The following DDX49 variants were observed in gnomAD, a reference collection of about 807,000 sequenced individuals.
DDX49 encodes the protein probable ATP-dependent RNA helicase DDX49.
In DDX49, 50 loss-of-function variants were observed where a neutral mutation model predicts 56.3. The observed-to-expected ratio is 0.89, with a 90% CI of 0.71 to 1.12. The LOEUF is 1.12. Among genes scored for constraint, DDX49 ranks in the 50% most tolerant of loss-of-function variants. The pLI is 0.00. For missense variants in DDX49, 614 were observed against 650.5 expected (o/e 0.94, Z 0.61); for synonymous variants, 269 against 270.6 (o/e 0.99, Z 0.06).
intron 4 of DDX49, 133 bp downstream of exon 4, chr19:18,922,097 A>G (rs1272305072): frequency 2.3e-6 from 3 of 1,328,640 alleles, no homozygotes; most frequent in Non-Finnish European, 3.0e-6. Flanking sequence ...AACGCTAGGA[A>G]CAGTGACAAG....
rs140875596 is a variant in DDX49, at chr19:18,924,716, C to A, written c.929+17C>A. ...GGCCTCCCGGTGAGCAGCCCCCAGT[C>A]TCCTGCCAAGGGCACTCCCTCTTTT... On this transcript the variant is annotated intron_variant, in intron 8 of 12. Coordinates refer to ENST00000247003, the MANE Select transcript of DDX49 (RefSeq NM_019070.5). 3.2e-4 allele frequency: 514 copies of A among 1,614,178 alleles called. No homozygotes were observed. The African/African-American group carries it at 5.8e-3, about 18-fold the overall frequency.
At chr19:18,925,416 G>A (rs142640334) in intron 9 of DDX49, among the ~76,000 whole-genome samples, 306 of 150,848 alleles carry the variant, frequency 2.0e-3, no homozygotes, top group African/African-American at 6.7e-3. Flanking sequence ...TTAGCCAGGC[G>A]TGGTGGAGGG....
Position 18,924,286 on chromosome 19 carries a change from C to T in DDX49, c.830C>T (p.Ala277Val). The stretch of plus-strand genomic sequence containing the variant: ...CGCAAATTCAGCTTCCCCACCGTGG[C>T]TCTGCACTCCATGATGAAGCAGGTG... ...MLRKFSFPTV[A>V]LHSMMKQKER... Residue 277 changes from alanine to valine, a missense_variant, in exon 7 of 13, where the codon GCT (alanine) becomes GTT (valine). Coordinates refer to ENST00000247003, the MANE Select transcript of DDX49 (RefSeq NM_019070.5). 1 of 1,613,896 alleles carries T rather than the reference C, an allele frequency of 6.2e-7. No homozygotes were observed. The highest frequency in any genetic ancestry group is 8.5e-7 in the Non-Finnish European group (1 of 1,180,020).
chr19:18,923,816 T>C (rs1384738136), intron 6 of DDX49, among the ~76,000 whole-genome samples: 1 of 150,060 alleles, frequency 6.7e-6, no homozygotes, highest in Non-Finnish European at 1.5e-5. Flanking sequence ...CCTCTTTTTT[T>C]TTTTTTTTTT....
At chr19:18,925,050 A>T (rs1377848992) in intron 9 of DDX49, 71 bp downstream of exon 9, 2 of 1,551,962 alleles carry the variant, frequency 1.3e-6, no homozygotes, top group African/African-American at 2.7e-5. Context: ...TTCAGGTGGT[A>T]GGACGTGGGT....
chr19:18,926,415 T>TGGGGG, intron 10 of DDX49, 38 bp downstream of exon 10: 1 of 132,542 alleles, frequency 7.5e-6, no homozygotes, highest in Middle Eastern at 1.9e-3. Flanking sequence ...GAAGGAGGGG[T>TGGGGG]GGGGTGGGCA....
rs748962784 is a variant in DDX49, at chr19:18,921,715, G to C, written c.292G>C (p.Gly98Arg). Residue 98 changes from glycine to arginine, a missense_variant, in exon 3 of 13, where the codon GGG becomes CGG. Gly to Arg is a moderately radical substitution (Grantham distance 125). Transcript: ENST00000247003. ...GTTCCGGGTCCTGGGGAAGCCTCTA[G>C]GGCTGAAAGACTGCATCATCGTCGG... Reference protein sequence around the residue: ...EQFRVLGKPLGLKDCIIVGGM... With the variant: ...EQFRVLGKPLRLKDCIIVGGM... The C allele has an allele frequency of 6.2e-7, 1 of 1,614,040 alleles. No homozygotes were observed. Among genetic ancestry groups the C allele is most frequent in the African/African-American group, 1.3e-5 (1 of 74,918 alleles).
chr19:18,920,613 G>A lies in DDX49; in HGVS notation c.149G>A (p.Ser50Asn). 6.2e-7 allele frequency: 1 copy of A among 1,610,924 alleles called. No individual in the cohort carries two copies. Among genetic ancestry groups the A allele is most frequent in the East Asian group, 2.2e-5 (1 of 44,728 alleles). The change falls in exon 2 of 13, where the codon AGT (serine) becomes AAT (asparagine). Residue 50 changes from serine to asparagine, a missense_variant. Physicochemically the swap from Ser to Asn is conservative, Grantham distance 46. Coordinates refer to ENST00000247003, the MANE Select transcript of DDX49 (RefSeq NM_019070.5). ...TGCTTGGGCTGTGCTAAGACAGGCA[G>A]TGGGAAGACAGCAGCGTTTGTCCTT... ...RDCLGCAKTG[S>N]GKTAAFVLPI...
At chr19:18,926,173 A>T in intron 9 of DDX49, 130 bp from the exon 10 acceptor site, 1 of 949,174 alleles carries the variant, frequency 1.1e-6, no homozygotes, top group South Asian at 1.6e-5. Context: ...CTCTGGGCTG[A>T]TCCCTCCCAA....
Position 18,928,403 on chromosome 19 carries a change from G to A in DDX49, c.*87G>A, listed in dbSNP as rs1057352814. On this transcript the variant is annotated 3_prime_UTR_variant, in exon 13 of 13. Coordinates refer to ENST00000247003, the MANE Select transcript of DDX49 (RefSeq NM_019070.5). Reference sequence around the variant, plus strand: ...TTCCTTGGGGGCAGCAGCCCTTCCCGGGGGCCTACCCAGTGCCCCACAGCA... The same window carrying A: ...TTCCTTGGGGGCAGCAGCCCTTCCCAGGGGCCTACCCAGTGCCCCACAGCA... 3.6e-5 allele frequency: 48 copies of A among 1,341,622 alleles called. 2 individuals are homozygous for A. Among genetic ancestry groups the A allele is most frequent in the Middle Eastern group, 2.7e-4 (1 of 3,698 alleles). The allele number at this position is 1,341,622 out of a possible 1,614,324, so 83.1% of individuals were successfully genotyped here.
chr19:18,923,535 A>G (rs2056936116), intron 6 of DDX49, among the ~76,000 whole-genome samples: 1 of 152,114 alleles, frequency 6.6e-6, no homozygotes, highest in African/African-American at 2.4e-5. Context: ...AAAAGAGAGA[A>G]AAGTTTGGCT....
intron 7 of DDX49, 117 bp downstream of exon 7, chr19:18,924,425 TC>T: frequency 8.7e-7 from 1 of 1,144,344 alleles, no homozygotes; most frequent in Non-Finnish European, 1.3e-6. Context: ...TCTCTTCTGG[TC>T]CCAGAATATC....
At chr19:18,921,281 A>C (rs940684185) in intron 2 of DDX49, among the ~76,000 whole-genome samples, 5 of 152,170 alleles carry the variant, frequency 3.3e-5, no homozygotes, top group African/African-American at 1.2e-4. Flanking sequence ...TGAGCAGGAA[A>C]GGTCATGAGC....
intron 9 of DDX49, among the ~76,000 whole-genome samples, chr19:18,925,644 GTGA>G (rs1477417170): frequency 1.3e-5 from 2 of 152,208 alleles, no homozygotes; most frequent in African/African-American, 4.8e-5. Context: ...CCCAAGCCAG[GTGA>G]TGAACTGAGC....
rs774214519 is a variant in DDX49 at position 18,927,949 on chromosome 19, C to G, written c.1192-16C>G. The G allele has an allele frequency of 5.6e-6, 9 of 1,613,868 alleles. No homozygotes were observed. The African/African-American group carries it at 9.3e-5, about 17-fold the overall frequency. ...CCCCGTGACCAGCATCTCCTTACCC[C>G]ACTTCCCTCCACCAGAAACTGGAGG... On this transcript the variant is annotated splice_polypyrimidine_tract_variant and intron_variant, in intron 11 of 12. Coordinates refer to ENST00000247003, the MANE Select transcript of DDX49 (RefSeq NM_019070.5).
rs761155669 is a variant in DDX49, at chr19:18,928,343, T to C, written c.*27T>C. ...CCCCACACGGCCATCTGCCCAGTCC[T>C]TGACTCGTCCATGGAGCTGAGGGTC... On this transcript the variant is annotated 3_prime_UTR_variant, in exon 13 of 13. Transcript: ENST00000247003. The C allele has an allele frequency of 4.3e-5, 64 of 1,484,236 alleles. No homozygotes were observed. The highest frequency in any genetic ancestry group is 5.5e-5 in the Non-Finnish European group (61 of 1,118,476). 91.9% of individuals were successfully genotyped at this position (1,484,236 alleles called of 1,614,324 possible). A position where few individuals can be genotyped will look rare whatever the true frequency, so the allele number is the denominator to read the frequency against.
Position 18,924,249 on chromosome 19 carries a change from T to C in DDX49, c.793T>C (p.Cys265Arg), listed in dbSNP as rs1265270512. The C allele has an allele frequency of 9.3e-6, 15 of 1,613,842 alleles. No individual in the cohort carries two copies. The highest frequency in any genetic ancestry group is 1.1e-5 in the Non-Finnish European group (13 of 1,179,996). ...TNTCKTCQIL[C>R]MMLRKFSFPT... The stretch of plus-strand genomic sequence containing the variant: ...TCCCGCCAGGACCTGCCAGATTCTG[T>C]GCATGATGCTGCGCAAATTCAGCTT... The change falls in exon 7 of 13, where the codon TGC (cysteine) becomes CGC (arginine). Residue 265 changes from cysteine to arginine, a missense_variant. Physicochemically the swap from Cys to Arg is radical, Grantham distance 180 (BLOSUM62 -3). Coordinates refer to ENST00000247003, the MANE Select transcript of DDX49 (RefSeq NM_019070.5).
At position 18,926,334 on chromosome 19, in the gene DDX49, A is replaced by G; in HGVS notation, c.1059A>G (p.Thr353=). ...AGGGTCAGGCCATCACGCTGGTGAC[A>G]CAGTACGACATCCACCTGGTGCACG... ...GRQGQAITLV[T]QYDIHLVHAI... is the part of the protein sequence containing the mutation. Residue 353 remains threonine, a synonymous_variant, in exon 10 of 13, where the codon ACA becomes ACG. Coordinates refer to ENST00000247003, the MANE Select transcript of DDX49 (RefSeq NM_019070.5). 6.4e-7 allele frequency: 1 copy of G among 1,566,256 alleles called. No individual in the cohort carries two copies. Among genetic ancestry groups the G allele is most frequent in the Non-Finnish European group, 8.7e-7 (1 of 1,155,380 alleles).
At chr19:18,925,135 G>A in intron 9 of DDX49, 156 bp downstream of exon 9, 1 of 1,088,268 alleles carries the variant, frequency 9.2e-7, no homozygotes, top group Non-Finnish European at 1.3e-6. Flanking sequence ...TAAAGCAAAG[G>A]TGAATCCCAG....
Sources: allele counts gnomAD v4.1 joint callset (sites outside exome capture counted in the v4.1 genomes callset), GRCh38; gene constraint gnomAD v4.1.1; transcripts MANE v1.5; gene names NCBI Gene and HGNC (gene_info 2026-07-23, HGNC 2026-07-21).